Variants in RP1 observed in about 807,000 individuals in gnomAD.
RP1 encodes oxygen-regulated protein 1.
RP1 carries 16 observed loss-of-function variants against 14.8 expected under a neutral mutation model. The ratio of observed to expected loss-of-function variants is 1.08; its 90% CI spans 0.73 to 1.65. The LOEUF is 1.65. Among genes scored for constraint, RP1 ranks in the 40% most tolerant of loss-of-function variants. RP1 has a pLI of 0.00. For synonymous variants in RP1, 876 were observed against 883.6 expected, an observed-to-expected ratio of 0.99 and a Z score of 0.15; for missense variants, 2,631 against 2,535.0, an observed-to-expected ratio of 1.04 and a Z score of -0.81.
intron 19 of RP1, among the ~76,000 whole-genome samples, chr8:54,746,613 G>T (rs139828392): frequency 6.6e-6 from 1 of 152,096 alleles, no homozygotes; most frequent in Non-Finnish European, 1.5e-5. Flanking sequence ...ATACATGTTA[G>T]CAAATGCTGT....
At chr8:54,857,019 A>C (rs573462434) in intron 26 of RP1, 1 of 1,055,980 alleles carries the variant, frequency 9.5e-7, no homozygotes, top group Admixed American at 4.3e-5. Flanking sequence ...TTATTTCTTT[A>C]TTGTACAGGT....
Position 54,685,950 on chromosome 8 carries a change from C to T in RP1, c.1717+6017C>T, listed in dbSNP as rs148766992. 2.7e-3 allele frequency among the ~76,000 whole-genome samples: 409 copies of T among 152,300 alleles called. 2 individuals carry two copies. The highest frequency in any genetic ancestry group is 9.4e-3 in the African/African-American group (391 of 41,548). The stretch of plus-strand genomic sequence containing the variant: ...TTCAGGAAAGAACTGGCCCTGACAG[C>T]CCCAGCTGAATCTCCAACCAGCAGC... On this transcript the variant is annotated intron_variant, in intron 12 of 22. Transcript: ENST00000636932.
At chr8:54,720,443 A>G in intron 16 of RP1, 1 of 772,076 alleles carries the variant, frequency 1.3e-6, no homozygotes. Flanking sequence ...TCCAGAAGCA[A>G]TGGAAGGAAA....
At chr8:54,696,308 T>G in intron 12 of RP1, 1 of 432,320 alleles carries the variant, frequency 2.3e-6, no homozygotes, top group South Asian at 3.4e-5. Flanking sequence ...TCAAAATTTT[T>G]AGTTAATACA....
chr8:54,800,773 G>C (rs987836596), intron 24 of RP1, among the ~76,000 whole-genome samples: 5 of 151,976 alleles, frequency 3.3e-5, no homozygotes, highest in African/African-American at 1.2e-4. Context: ...TCTTCCATTA[G>C]AGGTTTAAAC....
At position 54,597,693 on chromosome 8, in the gene RP1, G is replaced by A. The variant is rs73679489; in HGVS notation, c.-12-23262G>A. Among the ~76,000 whole-genome samples, 85 of 152,260 alleles carry A rather than the reference G, an allele frequency of 5.6e-4. 1 individual carries two copies. Among genetic ancestry groups the A allele is most frequent in the African/African-American group, 1.8e-3 (75 of 41,556 alleles). ...ATGTACTGATATATGCTAAAACATA[G>A]TTGAACCTCAAAAACATTATGCTAA... On this transcript the variant is annotated intron_variant, in intron 1 of 22. Transcript: ENST00000636932.
chr8:54,817,509 G>A (rs961594899), intron 24 of RP1, among the ~76,000 whole-genome samples: 2 of 152,220 alleles, frequency 1.3e-5, no homozygotes, highest in African/African-American at 4.8e-5. Flanking sequence ...AGAAGGCAGA[G>A]AGTGGTAGGG....
Position 54,714,216 on chromosome 8 carries a change from G to T in RP1, c.2212-5913G>T, listed in dbSNP as rs148504629. Among the ~76,000 whole-genome samples, 9 of 152,226 alleles carry T rather than the reference G, an allele frequency of 5.9e-5. No individual in the cohort carries two copies. In the East Asian group the frequency reaches 1.7e-3, roughly 29 times the overall value. ...GCTGGGATTACAGGCGTGAGCCACCGCACCCAGCCTGTAGTTTAACTTAGA... is the reference window on the plus strand; with the variant it reads ...GCTGGGATTACAGGCGTGAGCCACCTCACCCAGCCTGTAGTTTAACTTAGA... On this transcript the variant is annotated intron_variant, in intron 15 of 22. Transcript: ENST00000636932.
intron 24 of RP1, among the ~76,000 whole-genome samples, chr8:54,830,886 G>C (rs1321725673): frequency 6.6e-6 from 1 of 151,964 alleles, no homozygotes; most frequent in Non-Finnish European, 1.5e-5. Context: ...TTCAGAGCTG[G>C]CAACCAGTAA....
At chr8:54,782,640 T>C (rs901866619) in intron 23 of RP1, among the ~76,000 whole-genome samples, 18 of 152,300 alleles carry the variant, frequency 1.2e-4, no homozygotes, top group Middle Eastern at 6.8e-3. Context: ...GGCAGGACTT[T>C]GTCCTTTGCT....
chr8:54,867,200 C>T (rs1049842871), intron 28 of RP1, among the ~76,000 whole-genome samples: 15 of 152,142 alleles, frequency 9.9e-5, no homozygotes, highest in African/African-American at 3.6e-4. Flanking sequence ...TGGATTTTAC[C>T]TTACTATAGT....
intron 19 of RP1, among the ~76,000 whole-genome samples, chr8:54,745,845 C>T (rs963105404): frequency 5.9e-5 from 9 of 152,196 alleles, no homozygotes; most frequent in Middle Eastern, 6.8e-3. Context: ...TCATCCATAT[C>T]GACTCTTTCA....
At chr8:54,833,620 C>T (rs1287950890) in intron 24 of RP1, among the ~76,000 whole-genome samples, 4 of 152,010 alleles carry the variant, frequency 2.6e-5, no homozygotes, top group African/African-American at 7.2e-5. Flanking sequence ...ACCTTAATCA[C>T]GCAACTCCTT....
intron 15 of RP1, among the ~76,000 whole-genome samples, chr8:54,719,286 GA>G (rs1808480457): frequency 2.0e-5 from 3 of 152,122 alleles, no homozygotes; most frequent in Non-Finnish European, 2.9e-5. Flanking sequence ...TGCAAGGCCA[GA>G]ATCTTATTGA....
At chr8:54,750,424 G>T (rs573984827) in intron 19 of RP1, among the ~76,000 whole-genome samples, 1 of 152,116 alleles carries the variant, frequency 6.6e-6, no homozygotes. Context: ...CACAAAAACC[G>T]CCCTCTTACT....
intron 25 of RP1, among the ~76,000 whole-genome samples, chr8:54,839,868 A>T (rs1811749110): frequency 6.6e-6 from 1 of 152,168 alleles, no homozygotes; most frequent in Non-Finnish European, 1.5e-5. Flanking sequence ...AATGCTTTAT[A>T]TTTGTATATA....
chr8:54,677,690 G>A (rs541702905), intron 8 of RP1, among the ~76,000 whole-genome samples: 2 of 152,104 alleles, frequency 1.3e-5, no homozygotes, highest in Non-Finnish European at 2.9e-5. Context: ...TTGCACTACT[G>A]TACTCTAGCC....
At chr8:54,852,941 A>G (rs1812090519) in intron 26 of RP1, among the ~76,000 whole-genome samples, 1 of 152,200 alleles carries the variant, frequency 6.6e-6, no homozygotes, top group Non-Finnish European at 1.5e-5. Flanking sequence ...CTACTTCCAG[A>G]TAGGGCAGAC....
chr8:54,833,930 G>A (rs901078178), intron 24 of RP1, among the ~76,000 whole-genome samples: 1 of 151,750 alleles, frequency 6.6e-6, no homozygotes, highest in Non-Finnish European at 1.5e-5. Context: ...CAAAGAGAAC[G>A]AAGGAAACAC....
Sources: allele counts gnomAD v4.1 joint callset (sites outside exome capture counted in the v4.1 genomes callset), GRCh38; gene constraint gnomAD v4.1.1; transcripts MANE v1.5; gene names NCBI Gene and HGNC (gene_info 2026-07-23, HGNC 2026-07-21).